COLQ: variants seen among roughly 807,000 people sequenced by gnomAD.
COLQ encodes collagen like tail subunit of asymmetric acetylcholinesterase.
Under a neutral mutation model 69.0 loss-of-function variants are expected in COLQ, and 48 were observed. That is an observed-to-expected ratio of 0.70 (90% CI 0.55 to 0.88). The LOEUF (loss-of-function observed/expected upper bound fraction) is 0.88, where lower values mean the gene tolerates loss of function less well. COLQ is among the 40% of genes least tolerant of loss of function. The probability of loss-of-function intolerance (pLI) is 0.00; values close to 1 mark genes in which losing one functional copy is unlikely to be tolerated. For missense variants in COLQ, 618 were observed against 594.6 expected (o/e 1.04, Z -0.41); for synonymous variants, 217 against 211.2 (o/e 1.03, Z -0.24).
At chr3:15,458,628 C>G (rs1327741849) in intron 12 of COLQ, among the ~76,000 whole-genome samples, 1 of 152,146 alleles carries the variant, frequency 6.6e-6, no homozygotes, top group Non-Finnish European at 1.5e-5. Context: ...AGCCAACATG[C>G]AGGAAAGACG....
At chr3:15,519,932 C>T (rs1236542086) in intron 1 of COLQ, among the ~76,000 whole-genome samples, 2 of 152,216 alleles carry the variant, frequency 1.3e-5, no homozygotes, top group Non-Finnish European at 2.9e-5. Flanking sequence ...AGGCACTGTT[C>T]TGACCCTGGG....
chr3:15,468,356 G>A lies in COLQ; in HGVS notation c.718-1919C>T, dbSNP rs148773652. The stretch of plus-strand genomic sequence containing the variant: ...TTTTTTTTTTTTTTTTTTGAGAGAC[G>A]GAGTCTTGCTCTGTCGCCCAGGCTG... On this transcript the variant is annotated intron_variant, in intron 11 of 16. Transcript: ENST00000383788. Among the ~76,000 whole-genome samples the A allele has an allele frequency of 2.8e-4, 35 of 125,100 alleles. No homozygotes were observed. In the East Asian group the frequency reaches 8.1e-3, roughly 29 times the overall value. 82.1% of individuals were successfully genotyped at this position (125,100 alleles called of 152,430 possible). A position where few individuals can be genotyped will look rare whatever the true frequency, so the allele number is the denominator to read the frequency against.
intron 10 of COLQ, 150 bp from the exon 11 acceptor site, chr3:15,470,766 T>C: frequency 9.2e-6 from 7 of 758,228 alleles, no homozygotes; most frequent in Non-Finnish European, 1.7e-5. Flanking sequence ...GTTAGCAGAG[T>C]GAGGAAGTCA....
At chr3:15,456,659 T>A in intron 13 of COLQ, 80 bp from the exon 14 acceptor site, 1 of 1,586,622 alleles carries the variant, frequency 6.3e-7, no homozygotes, top group Non-Finnish European at 8.6e-7. Flanking sequence ...GGAAACAGAA[T>A]CTCTATCCTT....
intron 15 of COLQ, among the ~76,000 whole-genome samples, chr3:15,454,658 T>TA (rs201958212): frequency 0.029 from 1,727 of 60,458 alleles, 49 homozygotes; most frequent in African/African-American, 0.08. Flanking sequence ...ACTGTTTTTT[T>TA]TTTTTTTTTT....
intron 10 of COLQ, among the ~76,000 whole-genome samples, chr3:15,471,689 G>A (rs1212097540): frequency 1.3e-5 from 2 of 152,202 alleles, no homozygotes; most frequent in African/African-American, 4.8e-5. Context: ...GGGAACACCT[G>A]TATATGGAAA....
intron 1 of COLQ, among the ~76,000 whole-genome samples, chr3:15,495,811 C>T (rs915940179): frequency 1.4e-4 from 21 of 152,270 alleles, no homozygotes; most frequent in African/African-American, 4.1e-4. Flanking sequence ...AGTGTTGAGT[C>T]GCTAGGAGTG....
At chr3:15,514,667 T>C (rs2063033626) in intron 1 of COLQ, among the ~76,000 whole-genome samples, 1 of 152,168 alleles carries the variant, frequency 6.6e-6, no homozygotes, top group Non-Finnish European at 1.5e-5. Context: ...TGCAGAGCTT[T>C]GGGATTCTAG....
At chr3:15,505,578 G>A (rs1460782490) in intron 1 of COLQ, among the ~76,000 whole-genome samples, 1 of 152,208 alleles carries the variant, frequency 6.6e-6, no homozygotes, top group African/African-American at 2.4e-5. Context: ...GGAGCCAAGG[G>A]AACATAAAGA....
chr3:15,498,877 T>A, intron 1 of COLQ: 1 of 1,364,120 alleles, frequency 7.3e-7, no homozygotes, highest in Non-Finnish European at 9.5e-7. Context: ...GGATATGAGG[T>A]TGGGAGCCCA....
intron 12 of COLQ, among the ~76,000 whole-genome samples, chr3:15,459,794 A>T (rs947920769): frequency 6.9e-6 from 1 of 145,158 alleles, no homozygotes; most frequent in Non-Finnish European, 1.5e-5. Flanking sequence ...CCCATATTTT[A>T]TTATTATTAT....
chr3:15,489,414 A>C, intron 2 of COLQ, 111 bp downstream of exon 2: 5 of 1,001,412 alleles, frequency 5.0e-6, no homozygotes, highest in Non-Finnish European at 7.8e-6. Flanking sequence ...TGAGGCTCTC[A>C]GAAAAGATTC....
At chr3:15,454,392 C>T (rs1451316711) in intron 15 of COLQ, among the ~76,000 whole-genome samples, 3 of 152,172 alleles carry the variant, frequency 2.0e-5, no homozygotes, top group Non-Finnish European at 4.4e-5. Flanking sequence ...TCAGCAAAGA[C>T]CTCTGCTCTC....
chr3:15,472,847 T>C (rs1305063175), intron 10 of COLQ, among the ~76,000 whole-genome samples: 1 of 152,094 alleles, frequency 6.6e-6, no homozygotes, highest in Admixed American at 6.6e-5. Flanking sequence ...TCTTCACTTC[T>C]TTCTTCTTTT....
chr3:15,470,765 G>C (rs1367738539), intron 10 of COLQ, 149 bp from the exon 11 acceptor site: 1 of 761,308 alleles, frequency 1.3e-6, no homozygotes, highest in Non-Finnish European at 2.4e-6. Context: ...GGTTAGCAGA[G>C]TGAGGAAGTC....
In COLQ at chr3:15,485,143, T is replaced by A. The variant is rs1161608437; in HGVS notation, c.321+3063A>T. ...GTCAGGACCCTCTGCTGCAGGTCTG[T>A]TGGAGTTTGCTGGAGGTCCACTCCA... On this transcript the variant is annotated intron_variant, in intron 3 of 16. Coordinates refer to ENST00000383788, the MANE Select transcript of COLQ (RefSeq NM_005677.4). 2.6e-5 allele frequency among the ~76,000 whole-genome samples: 4 copies of A among 152,240 alleles called. No homozygotes were observed. In the East Asian group the frequency reaches 7.7e-4, roughly 29 times the overall value.
chr3:15,453,773 C>G, intron 16 of COLQ, 56 bp downstream of exon 16: 1 of 1,167,146 alleles, frequency 8.6e-7, no homozygotes, highest in Non-Finnish European at 1.3e-6. Flanking sequence ...AGAAGGAAAG[C>G]AAAGAGGAGG....
chr3:15,456,764 C>T (rs187541558), intron 13 of COLQ, among the ~76,000 whole-genome samples, 185 bp from the exon 14 acceptor site: 29 of 152,300 alleles, frequency 1.9e-4, no homozygotes, highest in Non-Finnish European at 3.1e-4. Context: ...TCTTCTCAAT[C>T]GAGTTCCTAA....
rs2062330864 is a variant in COLQ, at chr3:15,473,833, C to T, written c.636+167G>A. Reference sequence around the variant, plus strand: ...GGAGGCTCCAGACCATCCTGCCACCCTCTCCCCAGGGTGAAAAGCAACTTG... The same window carrying T: ...GGAGGCTCCAGACCATCCTGCCACCTTCTCCCCAGGGTGAAAAGCAACTTG... On this transcript the variant is annotated intron_variant, in intron 10 of 16. Coordinates refer to ENST00000383788, the MANE Select transcript of COLQ (RefSeq NM_005677.4). This position sits in a 1 kb window ranked among gnomAD's most constrained non-coding sequence, Gnocchi z 4.0. Among the ~76,000 whole-genome samples, 1 of 152,200 alleles carries T rather than the reference C, an allele frequency of 6.6e-6. No homozygotes were observed. The highest frequency in any genetic ancestry group is 1.5e-5 in the Non-Finnish European group (1 of 68,036).
Sources: gnomAD v4.1 joint callset for allele counts (sites outside exome capture counted in the v4.1 genomes callset) on GRCh38, gnomAD v4.1.1 for gene constraint, Gnocchi (gnomAD v3.1) non-coding constraint, MANE v1.5 for transcripts, NCBI Gene and HGNC (gene_info 2026-07-23, HGNC 2026-07-21) for gene names.